PARP1: variants seen among roughly 807,000 people sequenced by gnomAD.
PARP1 encodes the protein poly(ADP-ribose) polymerase 1.
A neutral mutation model predicts 118.7 loss-of-function variants in PARP1; 44 were observed. The ratio of observed to expected loss-of-function variants is 0.37; its 90% CI spans 0.29 to 0.48. The LOEUF is 0.48. PARP1 is among the 20% of genes least tolerant of loss of function. PARP1 has a pLI of 0.99. For missense variants in PARP1, 1,100 were observed against 1,272.4 expected (o/e 0.86, Z 2.06); for synonymous variants, 492 against 483.2 (o/e 1.02, Z -0.24).
At chr1:226,372,541 C>T (rs936919429) in intron 14 of PARP1, among the ~76,000 whole-genome samples, 1 of 152,034 alleles carries the variant, frequency 6.6e-6, no homozygotes, top group Admixed American at 6.5e-5. Flanking sequence ...CAGGCACAGT[C>T]GTGCACGCCT....
chr1:226,387,334 C>G (rs190115779), intron 5 of PARP1, among the ~76,000 whole-genome samples: 49 of 152,292 alleles, frequency 3.2e-4, no homozygotes, highest in Admixed American at 3.2e-3. Context: ...AAGCTATCAG[C>G]CTCTCCATTT....
chr1:226,379,270 C>T lies in PARP1; in HGVS notation c.1617G>A (p.Leu539=), dbSNP rs1269800072. The T allele has an allele frequency of 6.2e-7, 1 of 1,614,214 alleles. No individual in the cohort carries two copies. Among genetic ancestry groups the T allele is most frequent in the African/African-American group, 1.3e-5 (1 of 75,056 alleles). Residue 539 remains leucine (L), a synonymous_variant, in exon 12 of 23, where the codon CTG becomes CTA. Transcript: ENST00000366794. ...TCTCCAGGACATGCGCAGAGTGTTC[C>T]AGTCCTGTCCCAGAGGAAAAGCACC... The part of the protein sequence containing the change: ...GGAAVDPDSG[L]EHSAHVLEKG...
chr1:226,381,650 T>A (rs1023391224), intron 8 of PARP1, among the ~76,000 whole-genome samples: 1 of 152,206 alleles, frequency 6.6e-6, no homozygotes, highest in Non-Finnish European at 1.5e-5. Flanking sequence ...AAATGAGACA[T>A]GTCCATGATA....
chr1:226,377,460 A>G (rs1664515234), intron 12 of PARP1, among the ~76,000 whole-genome samples, 157 bp from the exon 13 acceptor site: 1 of 152,202 alleles, frequency 6.6e-6, no homozygotes, highest in African/African-American at 2.4e-5. Context: ...CTATAACAAT[A>G]AAGGGTCTTT....
At chr1:226,378,289 A>C (rs1664533874) in intron 12 of PARP1, among the ~76,000 whole-genome samples, 1 of 151,986 alleles carries the variant, frequency 6.6e-6, no homozygotes. Context: ...CAATGAACTC[A>C]CTAGATAAGG....
At chr1:226,395,786 C>G (rs1440818464) in intron 2 of PARP1, among the ~76,000 whole-genome samples, 1 of 152,136 alleles carries the variant, frequency 6.6e-6, no homozygotes, top group African/African-American at 2.4e-5. Context: ...GCAACACGGA[C>G]GAACCCAGAA....
chr1:226,403,378 C>T (rs1161134087), intron 1 of PARP1, among the ~76,000 whole-genome samples: 5 of 152,222 alleles, frequency 3.3e-5, no homozygotes, highest in African/African-American at 1.2e-4. Context: ...TGGGGCTTCA[C>T]CATGTTGGCC....
At chr1:226,402,432 G>T in intron 1 of PARP1, 53 bp from the exon 2 acceptor site, 4 of 1,546,398 alleles carry the variant, frequency 2.6e-6, no homozygotes, top group Non-Finnish European at 3.5e-6. Flanking sequence ...TTTTGACTTA[G>T]ACCCACTAGA....
At chr1:226,401,270 C>T (rs182622042) in intron 2 of PARP1, among the ~76,000 whole-genome samples, 4 of 152,304 alleles carry the variant, frequency 2.6e-5, no homozygotes, top group Non-Finnish European at 4.4e-5. Context: ...CATTTAAGAG[C>T]GAGCTCGTGG....
rs1664696737 is a variant in PARP1, at chr1:226,385,495, A to ACC, written c.1011+7_1011+8dup. On this transcript the variant is annotated intron_variant, in intron 7 of 22. Transcript: ENST00000366794. Reference sequence around the variant, plus strand: ...CCAACAGATCCCAGGATCTTCCCCTACCCCTTACCTTTGGGGTTACCCACT... The same window carrying ACC: ...CCAACAGATCCCAGGATCTTCCCCTACCCCCCTTACCTTTGGGGTTACCCACT... The ACC allele has an allele frequency of 6.2e-6, 10 of 1,612,996 alleles. No individual in the cohort carries two copies. Among genetic ancestry groups the ACC allele is most frequent in the Middle Eastern group, 3.4e-4 (2 of 5,942 alleles).
chr1:226,388,906 T>C (rs1664770965), intron 4 of PARP1, 151 bp from the exon 5 acceptor site: 8 of 712,742 alleles, frequency 1.1e-5, no homozygotes, highest in Non-Finnish European at 2.0e-5. Flanking sequence ...CCCCACTCAG[T>C]GCCCTTAGGC....
intron 6 of PARP1, among the ~76,000 whole-genome samples, chr1:226,386,047 A>G (rs946979354): frequency 1.3e-5 from 2 of 152,210 alleles, no homozygotes; most frequent in East Asian, 1.9e-4. Context: ...ACCCCTCAGG[A>G]GGGGGCTCTC....
intron 2 of PARP1, chr1:226,392,728 T>C (rs1664843317): frequency 1.8e-6 from 1 of 561,200 alleles, no homozygotes. Flanking sequence ...TTAAAGGAAA[T>C]ATTTTGATAT....
At chr1:226,386,574 G>C in intron 5 of PARP1, 132 bp from the exon 6 acceptor site, 1 of 761,284 alleles carries the variant, frequency 1.3e-6, no homozygotes, top group Non-Finnish European at 2.4e-6. Flanking sequence ...GCAAATCTGG[G>C]TGATTAGCAC....
chr1:226,379,410 G>A lies in PARP1; in HGVS notation c.1613-136C>T, dbSNP rs1470674499. The A allele has an allele frequency of 1.4e-5, 18 of 1,273,846 alleles. No individual in the cohort carries two copies. The South Asian group carries it at 1.7e-4, about 12-fold the overall frequency. 78.9% of individuals were successfully genotyped at this position (1,273,846 alleles called of 1,614,324 possible). A position where few individuals can be genotyped will look rare whatever the true frequency, so the allele number is the denominator to read the frequency against. On this transcript the variant is annotated intron_variant, in intron 11 of 22. Transcript: ENST00000366794. ...CACCCTCGGGAGGCTCCCCACAAAT[G>A]TGTGTTCTCAGGACTGGGGGAGCTG...
Position 226,363,665 on chromosome 1 carries a change from A to G in PARP1, c.2786+278T>C, listed in dbSNP as rs578071610. Among the ~76,000 whole-genome samples, 7 of 152,194 alleles carry G rather than the reference A, an allele frequency of 4.6e-5. No individual in the cohort carries two copies. In the East Asian group the frequency reaches 1.4e-3, roughly 29 times the overall value. Reference sequence around the variant, plus strand: ...GGCCTGGGGGATCATCCTTTGTGCAACTCAATCTCTCTGCTTCCCAGTCCA... The same window carrying G: ...GGCCTGGGGGATCATCCTTTGTGCAGCTCAATCTCTCTGCTTCCCAGTCCA... On this transcript the variant is annotated intron_variant, in intron 20 of 22. Transcript: ENST00000366794.
intron 10 of PARP1, 124 bp from the exon 11 acceptor site, chr1:226,379,765 T>C: frequency 2.2e-6 from 3 of 1,342,000 alleles, no homozygotes; most frequent in Non-Finnish European, 2.1e-6. Flanking sequence ...ATATACACAC[T>C]ACTCCCGCCA....
chr1:226,379,280 C>T lies in PARP1; in HGVS notation c.1613-6G>A. On this transcript the variant is annotated splice_polypyrimidine_tract_variant and splice_region_variant and intron_variant, in intron 11 of 22. Transcript: ENST00000366794. ...ATGCGCAGAGTGTTCCAGTCCTGTC[C>T]CAGAGGAAAAGCACCTACAGTTTTC... is the stretch of plus-strand genomic sequence containing the variant. 6.2e-7 allele frequency: 1 copy of T among 1,614,216 alleles called. No homozygotes were observed. Among genetic ancestry groups the T allele is most frequent in the Non-Finnish European group, 8.5e-7 (1 of 1,180,040 alleles).
chr1:226,361,146 G>A lies in PARP1; in HGVS notation c.*314C>T, dbSNP rs1286377325. 2.4e-6 allele frequency: 1 copy of A among 408,436 alleles called. No individual in the cohort carries two copies. Among genetic ancestry groups the A allele is most frequent in the Admixed American group, 4.0e-5 (1 of 25,232 alleles). 25.3% of individuals were successfully genotyped at this position (408,436 alleles called of 1,614,324 possible). A position where few individuals can be genotyped will look rare whatever the true frequency, so the allele number is the denominator to read the frequency against. ...AAACCAGTAAGGCAGACATTCTAAC[G>A]AAGCTTGGTTTTTTCCATAGGACTA... On this transcript the variant is annotated 3_prime_UTR_variant, in exon 23 of 23. Transcript: ENST00000366794.
Sources: allele counts gnomAD v4.1 joint callset (sites outside exome capture counted in the v4.1 genomes callset), GRCh38; gene constraint gnomAD v4.1.1; transcripts MANE v1.5; gene names NCBI Gene and HGNC (gene_info 2026-07-23, HGNC 2026-07-21).